The following PIK3CB variants were observed in gnomAD, a reference collection of about 807,000 sequenced individuals.
PIK3CB encodes phosphatidylinositol 4,5-bisphosphate 3-kinase catalytic subunit beta isoform.
PIK3CB carries 39 observed loss-of-function variants against 136.8 expected under a neutral mutation model. The observed-to-expected ratio is 0.29, with a 90% CI of 0.22 to 0.37. The LOEUF is 0.37. Ranked by LOEUF, PIK3CB falls within the 10% of genes least tolerant of loss-of-function variation. The pLI, the probability that PIK3CB is intolerant of heterozygous loss-of-function variation, is 1.00. For synonymous variants in PIK3CB, 428 were observed against 436.6 expected, an observed-to-expected ratio of 0.98 and a Z score of 0.25; for missense variants, 868 against 1,275.4, an observed-to-expected ratio of 0.68 and a Z score of 4.87.
intron 8 of PIK3CB, among the ~76,000 whole-genome samples, chr3:138,729,732 G>T (rs1280860164): frequency 6.6e-6 from 1 of 152,066 alleles, no homozygotes; most frequent in Non-Finnish European, 1.5e-5. Flanking sequence ...CTCAACCACT[G>T]GCTCTCTTGG....
chr3:138,706,117 C>T (rs1306235078), intron 11 of PIK3CB, among the ~76,000 whole-genome samples: 7 of 152,204 alleles, frequency 4.6e-5, no homozygotes, highest in African/African-American at 1.7e-4. Flanking sequence ...TGCAGTGGCT[C>T]TCACTTGTAA....
At chr3:138,787,108 G>A (rs1371837960) in intron 2 of PIK3CB, among the ~76,000 whole-genome samples, 2 of 152,112 alleles carry the variant, frequency 1.3e-5, no homozygotes, top group Admixed American at 6.6e-5. Context: ...AAAGAACCCC[G>A]AGGCAAAGAC....
At chr3:138,736,082 C>T (rs2045097003) in intron 6 of PIK3CB, among the ~76,000 whole-genome samples, 1 of 152,152 alleles carries the variant, frequency 6.6e-6, no homozygotes, top group Non-Finnish European at 1.5e-5. Flanking sequence ...TTCTCCTTTA[C>T]ACCTCTTAAG....
At chr3:138,798,398 C>T (rs901186354) in intron 1 of PIK3CB, among the ~76,000 whole-genome samples, 4 of 152,050 alleles carry the variant, frequency 2.6e-5, no homozygotes, top group Non-Finnish European at 4.4e-5. Context: ...CTCCTGACCT[C>T]GTGATCCACC....
At chr3:138,712,858 C>A (rs898242413) in intron 9 of PIK3CB, among the ~76,000 whole-genome samples, 2 of 152,026 alleles carry the variant, frequency 1.3e-5, no homozygotes, top group African/African-American at 4.8e-5. Context: ...TGAGCCATCA[C>A]GCCCAGCCAA....
At chr3:138,747,054 T>A (rs1423622002) in intron 4 of PIK3CB, among the ~76,000 whole-genome samples, 28 of 42,242 alleles carry the variant, frequency 6.6e-4, no homozygotes, top group East Asian at 3.1e-3. Flanking sequence ...TATTCAGCCT[T>A]TATATATATA....
At chr3:138,757,502 C>CACAT (rs2045592121) in intron 3 of PIK3CB, among the ~76,000 whole-genome samples, 1 of 150,756 alleles carries the variant, frequency 6.6e-6, no homozygotes, top group African/African-American at 2.4e-5. Flanking sequence ...CACACACACA[C>CACAT]ACACACACAC....
At chr3:138,677,654 T>C (rs2043676566) in intron 19 of PIK3CB, among the ~76,000 whole-genome samples, 1 of 152,178 alleles carries the variant, frequency 6.6e-6, no homozygotes, top group African/African-American at 2.4e-5. Context: ...CCCAATACTT[T>C]GGGAGGCCAA....
chr3:138,755,874 C>A lies in PIK3CB; in HGVS notation c.277G>T (p.Glu93Ter). The stretch of plus-strand genomic sequence containing the variant: ...TCACAGAGTCTTCGTGTTTCATCTT[C>A]AAGCTCCTCATATACAGCAGTCTGA... ...VNQTAVYEEL[E>*]DETRRLCDVR... Residue 93 changes from glutamate to a stop codon, truncating the protein, a stop_gained, in exon 4 of 24, where the codon GAA becomes TAA. Coordinates refer to ENST00000674063, the MANE Select transcript of PIK3CB (RefSeq NM_006219.3). LOFTEE classifies it high-confidence loss of function. 1 of 1,611,786 alleles carries A rather than the reference C, an allele frequency of 6.2e-7. No homozygotes were observed. The highest frequency in any genetic ancestry group is 8.5e-7 in the Non-Finnish European group (1 of 1,178,020).
intron 1 of PIK3CB, among the ~76,000 whole-genome samples, chr3:138,820,605 T>C (rs1933520863): frequency 6.6e-6 from 1 of 152,202 alleles, no homozygotes; most frequent in African/African-American, 2.4e-5. Context: ...GCAATTCTCC[T>C]GCCTCGGCCT....
intron 2 of PIK3CB, among the ~76,000 whole-genome samples, chr3:138,762,037 A>G (rs2045670047): frequency 6.6e-6 from 1 of 151,986 alleles, no homozygotes. Flanking sequence ...ACCTGAGGTC[A>G]GGAGTTTGAG....
At chr3:138,662,781 C>A (rs981611066) in intron 21 of PIK3CB, among the ~76,000 whole-genome samples, 6 of 152,046 alleles carry the variant, frequency 3.9e-5, no homozygotes, top group African/African-American at 1.5e-4. Context: ...CTGTTGTTTC[C>A]TGACTTTTTA....
intron 1 of PIK3CB, among the ~76,000 whole-genome samples, chr3:138,818,880 G>T (rs866218856): frequency 6.6e-6 from 1 of 152,090 alleles, no homozygotes; most frequent in Non-Finnish European, 1.5e-5. Context: ...AATATAAAGA[G>T]AAATAAAAGG....
At chr3:138,723,249 T>G (rs989885151) in intron 8 of PIK3CB, among the ~76,000 whole-genome samples, 3 of 152,142 alleles carry the variant, frequency 2.0e-5, no homozygotes, top group African/African-American at 7.2e-5. Context: ...AAAGTATAAT[T>G]TATTTAAAGT....
chr3:138,654,600 G>C lies in PIK3CB; in HGVS notation c.*789C>G, dbSNP rs1214506617. On this transcript the variant is annotated 3_prime_UTR_variant, in exon 24 of 24. Coordinates refer to ENST00000674063, the MANE Select transcript of PIK3CB (RefSeq NM_006219.3). ...TATTAATATGTGCCTCATTATAGAA[G>C]CAGCTGGAAGAACTGGATCACACAG... The C allele has an allele frequency of 4.4e-6, 1 of 227,190 alleles. No individual in the cohort carries two copies. Among genetic ancestry groups the C allele is most frequent in the Non-Finnish European group, 8.7e-6 (1 of 114,404 alleles). The allele number at this position is 227,190 out of a possible 1,614,324, so 14.1% of individuals were successfully genotyped here.
At chr3:138,704,265 C>G (rs1353124494) in intron 12 of PIK3CB, among the ~76,000 whole-genome samples, 178 bp downstream of exon 12, 1 of 152,230 alleles carries the variant, frequency 6.6e-6, no homozygotes, top group Non-Finnish European at 1.5e-5. Flanking sequence ...GAACCCAGAT[C>G]ACCCACAAAT....
chr3:138,694,777 A>T lies in PIK3CB; in HGVS notation c.1892+9T>A. The T allele has an allele frequency of 6.2e-7, 1 of 1,611,204 alleles. No individual in the cohort carries two copies. Among genetic ancestry groups the T allele is most frequent in the Non-Finnish European group, 8.5e-7 (1 of 1,178,678 alleles). On this transcript the variant is annotated intron_variant, in intron 14 of 23. Transcript: ENST00000674063. Reference sequence around the variant, plus strand: ...CCTTGCCCCAAAGAAAACCACCTGCAGAAGATACCTCATCTGTCGCAGGCA... The same window carrying T: ...CCTTGCCCCAAAGAAAACCACCTGCTGAAGATACCTCATCTGTCGCAGGCA...
intron 10 of PIK3CB, among the ~76,000 whole-genome samples, chr3:138,711,225 G>A (rs6439815): frequency 6.6e-4 from 96 of 145,708 alleles, no homozygotes; most frequent in South Asian, 1.9e-3. Context: ...AAAAAAAAAA[G>A]AAAAAAAAAA....
chr3:138,828,131 T>C (rs1933864827), intron 1 of PIK3CB, among the ~76,000 whole-genome samples: 1 of 152,048 alleles, frequency 6.6e-6, no homozygotes, highest in Non-Finnish European at 1.5e-5. Flanking sequence ...AATCAAAAGA[T>C]TTTAGAACTA....
Sources: gnomAD v4.1 joint callset for allele counts (sites outside exome capture counted in the v4.1 genomes callset) on GRCh38, gnomAD v4.1.1 for gene constraint, MANE v1.5 for transcripts, NCBI Gene and HGNC (gene_info 2026-07-23, HGNC 2026-07-21) for gene names.